ABCC6: variants seen among roughly 807,000 people sequenced by gnomAD.
ABCC6 encodes the protein ATP binding cassette subfamily C member 6.
In ABCC6, 126 loss-of-function variants were observed where a neutral mutation model predicts 169.5. That is an observed-to-expected ratio of 0.74 (90% CI 0.64 to 0.86). ABCC6 has a LOEUF of 0.86. ABCC6 is among the 40% of genes least tolerant of loss of function. ABCC6 has a pLI of 0.00. For missense variants in ABCC6, 1,733 were observed against 1,927.2 expected (o/e 0.90, Z 1.89); for synonymous variants, 752 against 814.7 (o/e 0.92, Z 1.31).
In ABCC6 at chr16:16,221,876, G is replaced by A. The variant is rs779792267; in HGVS notation, c.37-45C>T. On this transcript the variant is annotated intron_variant, in intron 1 of 30. Coordinates refer to ENST00000205557, the MANE Select transcript of ABCC6 (RefSeq NM_001171.6). ...ACCCTTAGGATGGTACAAGGCAGGG[G>A]TCCCCAGCTCACCTGCCCAGGGGGC... 6 of 1,611,966 alleles carry A rather than the reference G, an allele frequency of 3.7e-6. No homozygotes were observed. The African/African-American group carries it at 6.7e-5, about 18-fold the overall frequency.
At chr16:16,157,632 AT>A in intron 27 of ABCC6, 30 bp downstream of exon 27, 1 of 1,613,904 alleles carries the variant, frequency 6.2e-7, no homozygotes, top group Admixed American at 1.7e-5. Flanking sequence ...CCTAAACTCC[AT>A]GAAGAAGACA....
At chr16:16,183,627 G>C (rs904881388) in intron 15 of ABCC6, among the ~76,000 whole-genome samples, 1 of 152,154 alleles carries the variant, frequency 6.6e-6, no homozygotes, top group African/African-American at 2.4e-5. Context: ...GCTGTTTCTT[G>C]AACACAAAAG....
At chr16:16,156,319 C>T (rs947672517) in intron 27 of ABCC6, among the ~76,000 whole-genome samples, 2 of 152,162 alleles carry the variant, frequency 1.3e-5, no homozygotes, top group African/African-American at 4.8e-5. Context: ...AAGAGAAGAC[C>T]TCATGGAGGA....
rs369785128 is a variant in ABCC6 at position 16,198,566 on chromosome 16, A to C, written c.1177-384T>G. ...TACCATATTCATTCCCTCTAATGCC[A>C]GGCCAGGTGCAGTGGCCTCTGCCTG... On this transcript the variant is annotated intron_variant, in intron 9 of 30. Coordinates refer to ENST00000205557, the MANE Select transcript of ABCC6 (RefSeq NM_001171.6). Among the ~76,000 whole-genome samples, 843 of 152,122 alleles carry C rather than the reference A, an allele frequency of 5.5e-3. 5 individuals are homozygous for C. The highest frequency in any genetic ancestry group is 0.023 in the South Asian group (109 of 4,812).
intron 22 of ABCC6, among the ~76,000 whole-genome samples, chr16:16,169,168 A>C (rs1238984388): frequency 2.0e-5 from 3 of 152,242 alleles, no homozygotes; most frequent in African/African-American, 7.2e-5. Context: ...ATACTTTACT[A>C]TCAGTTTGCA....
intron 15 of ABCC6, among the ~76,000 whole-genome samples, chr16:16,183,787 G>A (rs1017829668): frequency 6.6e-6 from 1 of 152,080 alleles, no homozygotes; most frequent in Non-Finnish European, 1.5e-5. Context: ...CAATGCACAC[G>A]ACAGCCCCCA....
In ABCC6 at chr16:16,157,708, C is replaced by T. The variant is rs61294695; in HGVS notation, c.3837G>A (p.Pro1279=). ...DFGLRYRPEL[P]LAVQGVSFKI... is the part of the protein sequence containing the mutation. ...TGAAGGACACGCCCTGCACAGCCAG[C>T]GGGAGCTCAGGTCGGTATCTTAGCC... The change falls in exon 27 of 31, where the codon CCG becomes CCA. Residue 1279 remains proline, a synonymous_variant. Coordinates refer to ENST00000205557, the MANE Select transcript of ABCC6 (RefSeq NM_001171.6). 40 of 1,614,014 alleles carry T rather than the reference C, an allele frequency of 2.5e-5. No individual in the cohort carries two copies. In the Admixed American group the frequency reaches 3.3e-4, roughly 13 times the overall value.
At chr16:16,170,100 T>TTTC (rs983969945) in intron 21 of ABCC6, among the ~76,000 whole-genome samples, 3 of 150,986 alleles carry the variant, frequency 2.0e-5, no homozygotes, top group Admixed American at 1.3e-4. Context: ...TTTCTTTTGT[T>TTTC]TTTTTTTTGA....
chr16:16,210,761 A>G (rs1449328919), intron 6 of ABCC6, among the ~76,000 whole-genome samples: 2 of 152,174 alleles, frequency 1.3e-5, no homozygotes, highest in East Asian at 3.9e-4. Flanking sequence ...TCTTTCTACC[A>G]GTTCCACACA....
rs199772618 is a variant in ABCC6, at chr16:16,184,914, C to G, written c.1943+45G>C. On this transcript the variant is annotated intron_variant, in intron 15 of 30. Transcript: ENST00000205557. ...AGGCAGCAGGAGCCCCATGCATCTT[C>G]TCCCTAAAAACATGAGGCTGGTTAC... The G allele has an allele frequency of 3.7e-5, 58 of 1,573,606 alleles. No homozygotes were observed. The East Asian group carries it at 1.2e-3, about 32-fold the overall frequency.
At chr16:16,172,364 A>G (rs1349990559) in intron 21 of ABCC6, among the ~76,000 whole-genome samples, 2 of 34,486 alleles carry the variant, frequency 5.8e-5, no homozygotes, top group African/African-American at 1.1e-4. Context: ...TGGCTAAATG[A>G]GTGGGTGGGA....
chr16:16,215,673 C>T (rs2048845723), intron 4 of ABCC6, among the ~76,000 whole-genome samples: 1 of 151,632 alleles, frequency 6.6e-6, no homozygotes, highest in African/African-American at 2.4e-5. Flanking sequence ...GGAGTTTTAC[C>T]ATGTAGGCCA....
intron 30 of ABCC6, 40 bp downstream of exon 30, chr16:16,150,538 G>A: frequency 6.3e-7 from 1 of 1,596,498 alleles, no homozygotes; most frequent in Non-Finnish European, 8.6e-7. Flanking sequence ...CCCCACCACT[G>A]CAGGGCTGCT....
intron 9 of ABCC6, among the ~76,000 whole-genome samples, chr16:16,200,300 A>C (rs1177105324): frequency 1.3e-5 from 2 of 151,194 alleles, no homozygotes; most frequent in African/African-American, 4.9e-5. Flanking sequence ...ATGGTGGCGC[A>C]CACCTGTAAT....
Position 16,150,131 on chromosome 16 carries a change from G to T in ABCC6, c.*2C>A. The T allele has an allele frequency of 6.2e-7, 1 of 1,612,144 alleles. No homozygotes were observed. The highest frequency in any genetic ancestry group is 8.5e-7 in the Non-Finnish European group (1 of 1,179,942). On this transcript the variant is annotated 3_prime_UTR_variant, in exon 31 of 31. Coordinates refer to ENST00000205557, the MANE Select transcript of ABCC6 (RefSeq NM_001171.6). ...AACTGGGGTACGGTTGAGGGTCCTG[G>T]CTCAGACCAGGCCTGACTCCTGGGC...
At position 16,177,452 on chromosome 16, in the gene ABCC6, C is replaced by A. The variant is rs2047314898; in HGVS notation, c.2590G>T (p.Glu864Ter). Residue 864 changes from glutamate (E) to a stop codon, truncating the protein, a stop_gained and splice_region_variant, in exon 19 of 31, where the codon GAA becomes TAA. Coordinates refer to ENST00000205557, the MANE Select transcript of ABCC6 (RefSeq NM_001171.6). LOFTEE classifies it high-confidence loss of function. ...AGAATCAGCAAAGCCCACCTAGTAC[C>A]TCCTTCTCCTCTATCTCCTGGCTGT... is the stretch of plus-strand genomic sequence containing the variant. ...ARQPGDRGEG[E>*]TEPGTSTKDP... The A allele has an allele frequency of 6.2e-7, 1 of 1,614,008 alleles. No homozygotes were observed. The highest frequency in any genetic ancestry group is 1.3e-5 in the African/African-American group (1 of 74,948).
At chr16:16,165,544 T>A in intron 23 of ABCC6, 79 bp downstream of exon 23, 1 of 1,512,796 alleles carries the variant, frequency 6.6e-7, no homozygotes, top group Non-Finnish European at 9.2e-7. Context: ...AAACCTCATA[T>A]ATGGAGTCTT....
Position 16,149,822 on chromosome 16 carries a change from A to T in ABCC6, c.*311T>A. On this transcript the variant is annotated 3_prime_UTR_variant, in exon 31 of 31. Coordinates refer to ENST00000205557, the MANE Select transcript of ABCC6 (RefSeq NM_001171.6). ...ATTCTGATTTAAGGGTCTAGCCGGG[A>T]GCCTGGGCATGTGCTTGAGGCCCCC... 2 of 501,680 alleles carry T rather than the reference A, an allele frequency of 4.0e-6. No homozygotes were observed. Among genetic ancestry groups the T allele is most frequent in the Non-Finnish European group, 7.3e-6 (2 of 273,596 alleles). 31.1% of individuals were successfully genotyped at this position (501,680 alleles called of 1,614,324 possible). A position where few individuals can be genotyped will look rare whatever the true frequency, so the allele number is the denominator to read the frequency against.
At position 16,173,376 on chromosome 16, in the gene ABCC6, G is replaced by A. The variant is rs11861980; in HGVS notation, c.2695C>T (p.Arg899Cys). The A allele has an allele frequency of 2.2e-4, 355 of 1,614,060 alleles. 2 individuals are homozygous for A. In the African/African-American group the frequency reaches 4.1e-3, roughly 19 times the overall value. ...TCTGTCTGGGCTTCTGAAGTGGTACGGTCCTTCTCAGGGACTGACTTGATG... is the reference window on the plus strand; with the variant it reads ...TCTGTCTGGGCTTCTGAAGTGGTACAGTCCTTCTCAGGGACTGACTTGATG... Reference protein sequence around the residue: ...RSIKSVPEKDRTTSEAQTEVP... With the variant: ...RSIKSVPEKDCTTSEAQTEVP... The change falls in exon 21 of 31, where the codon CGT (arginine) becomes TGT (cysteine). Residue 899 changes from arginine to cysteine, a missense_variant. This residue lies in a region of ABCC6 where 1,601 missense variants were observed against 1,635.5 expected (regional missense o/e 0.98). Coordinates refer to ENST00000205557, the MANE Select transcript of ABCC6 (RefSeq NM_001171.6).
Sources: gnomAD v4.1 joint callset for allele counts (sites outside exome capture counted in the v4.1 genomes callset) on GRCh38, gnomAD v4.1.1 for gene constraint, gnomAD v4.1.1 regional missense constraint, MANE v1.5 for transcripts, NCBI Gene and HGNC (gene_info 2026-07-23, HGNC 2026-07-21) for gene names.